Variants in SLC35E4 observed in about 807,000 individuals in gnomAD.
SLC35E4 encodes solute carrier family 35, member E4.
In SLC35E4, 15 loss-of-function variants were observed where a neutral mutation model predicts 19.3. That is an observed-to-expected ratio of 0.78 (90% CI 0.52 to 1.20). The LOEUF is 1.20. SLC35E4 is among the 50% of genes most tolerant of loss of function. The probability of loss-of-function intolerance (pLI) is 0.00; values close to 1 mark genes in which losing one functional copy is unlikely to be tolerated. For synonymous variants in SLC35E4, 219 were observed against 219.9 expected (o/e 1.00, Z 0.04); for missense variants, 406 against 472.3 (o/e 0.86, Z 1.30).
chr22:30,645,185 G>T (rs887754100), intron 1 of SLC35E4, among the ~76,000 whole-genome samples: 2 of 152,142 alleles, frequency 1.3e-5, no homozygotes, highest in Non-Finnish European at 2.9e-5. Flanking sequence ...TGGCAGAGCT[G>T]GGACCCTCTG....
At chr22:30,660,217 G>C (rs2088429677) in intron 2 of SLC35E4, among the ~76,000 whole-genome samples, 1 of 152,202 alleles carries the variant, frequency 6.6e-6, no homozygotes, top group Non-Finnish European at 1.5e-5. Flanking sequence ...GAAAATATAT[G>C]GATGTTGTTT....
intron 1 of SLC35E4, among the ~76,000 whole-genome samples, chr22:30,639,488 C>A (rs550823307): frequency 6.6e-6 from 1 of 152,012 alleles, no homozygotes. Context: ...ATTTATTAGG[C>A]GGGAATTTCC....
rs1294386719 is a variant in SLC35E4, at chr22:30,647,439, C to A, written c.*408C>A. ...AAAAGTGGAGAACTGGCAGTGACCT[C>A]TACTGGGGGCCATGGCAGGGAGGGG... On this transcript the variant is annotated 3_prime_UTR_variant, in exon 2 of 2. Coordinates refer to ENST00000343605, the MANE Select transcript of SLC35E4 (RefSeq NM_001001479.4). The A allele has an allele frequency of 6.1e-6, 1 of 164,178 alleles. No individual in the cohort carries two copies. The highest frequency in any genetic ancestry group is 1.3e-5 in the Non-Finnish European group (1 of 76,718). 10.2% of individuals were successfully genotyped at this position (164,178 alleles called of 1,614,324 possible). A position where few individuals can be genotyped will look rare whatever the true frequency, so the allele number is the denominator to read the frequency against.
At chr22:30,665,564 C>T (rs1474783192), downstream of SLC35E4, 1 of 470,822 alleles carries the variant, frequency 2.1e-6, no homozygotes, top group South Asian at 1.6e-5. Context: ...TTAAAGGTAA[C>T]TGTTTTAAGG....
chr22:30,658,812 G>A (rs1043305017), intron 2 of SLC35E4, among the ~76,000 whole-genome samples: 7 of 152,136 alleles, frequency 4.6e-5, no homozygotes, highest in Non-Finnish European at 7.3e-5. Context: ...GGGGGCATAA[G>A]CTTAGGACTG....
At position 30,636,654 on chromosome 22, in the gene SLC35E4, G is replaced by A. The variant is rs764303955; in HGVS notation, c.204G>A (p.Lys68=). 4 of 1,612,170 alleles carry A rather than the reference G, an allele frequency of 2.5e-6. No homozygotes were observed. The Admixed American group carries it at 5.0e-5, about 20-fold the overall frequency. The part of the protein sequence containing the change: ...LAGASMSSLN[K]WIFTVHGFGR... ...GAGCCAGCATGTCAAGCCTCAACAA[G>A]TGGATCTTCACAGTGCACGGCTTTG... The change falls in exon 1 of 2, where the codon AAG becomes AAA. Residue 68 remains lysine (K), a synonymous_variant. Coordinates refer to ENST00000343605, the MANE Select transcript of SLC35E4 (RefSeq NM_001001479.4).
At position 30,637,022 on chromosome 22, in the gene SLC35E4, T is replaced by G; in HGVS notation, c.572T>G (p.Phe191Cys). The G allele has an allele frequency of 2.5e-6, 4 of 1,593,914 alleles. No homozygotes were observed. Among genetic ancestry groups the G allele is most frequent in the Non-Finnish European group, 3.4e-6 (4 of 1,166,708 alleles). ...CGGACACCCCCTACCGGCTGTGGCTTCCTGCTCGCAGCCACCTGCCTCCGC... is the reference window on the plus strand; with the variant it reads ...CGGACACCCCCTACCGGCTGTGGCTGCCTGCTCGCAGCCACCTGCCTCCGC... ...EFRTPPTGCG[F>C]LLAATCLRGL... Residue 191 changes from phenylalanine (F) to cysteine (C), a missense_variant, in exon 1 of 2, where the codon TTC becomes TGC. Coordinates refer to ENST00000343605, the MANE Select transcript of SLC35E4 (RefSeq NM_001001479.4).
At chr22:30,646,563 C>A (rs1303254887) in intron 1 of SLC35E4, 35 bp from the exon 2 acceptor site, 4 of 1,571,476 alleles carry the variant, frequency 2.5e-6, no homozygotes, top group Middle Eastern at 1.7e-4. Context: ...GGGGTTGTGT[C>A]CTTCTGGGTG....
chr22:30,651,012 G>T (rs1221209304), downstream of SLC35E4, among the ~76,000 whole-genome samples: 1 of 149,162 alleles, frequency 6.7e-6, no homozygotes, highest in Non-Finnish European at 1.5e-5. Flanking sequence ...AACAAGGATT[G>T]TGAGTCCTTG....
At chr22:30,663,453 A>G (rs534843581), downstream of SLC35E4, 2 of 1,610,540 alleles carry the variant, frequency 1.2e-6, no homozygotes, top group African/African-American at 1.3e-5. Flanking sequence ...TGGAATCATC[A>G]AACGGACTTC....
chr22:30,645,621 A>C, intron 1 of SLC35E4, among the ~76,000 whole-genome samples: 2 of 145,226 alleles, frequency 1.4e-5, no homozygotes, highest in South Asian at 2.3e-4. Flanking sequence ...AAAAAAAAGA[A>C]CCTAGGACCT....
Position 30,636,815 on chromosome 22 carries a change from C to A in SLC35E4, c.365C>A (p.Ala122Asp). The A allele has an allele frequency of 1.2e-6, 2 of 1,612,854 alleles. No individual in the cohort carries two copies. Among genetic ancestry groups the A allele is most frequent in the South Asian group, 2.2e-5 (2 of 90,930 alleles). ...AGTCTCACCTTTGGCACGTCCATGG[C>A]CTGCGGCAACGTGGGCCTAAGGGCT... ...LLSLTFGTSM[A>D]CGNVGLRAVP... Residue 122 changes from alanine to aspartate, a missense_variant, in exon 1 of 2, where the codon GCC (alanine) becomes GAC (aspartate). Physicochemically the swap from Ala to Asp is moderately radical, Grantham distance 126 (BLOSUM62 -2). Coordinates refer to ENST00000343605, the MANE Select transcript of SLC35E4 (RefSeq NM_001001479.4).
downstream of SLC35E4, chr22:30,663,515 A>T (rs2088544957): frequency 6.2e-7 from 1 of 1,614,194 alleles, no homozygotes. Flanking sequence ...CCATGTGCAC[A>T]GTGTTCTTGC....
intron 1 of SLC35E4, among the ~76,000 whole-genome samples, chr22:30,639,202 G>A (rs957024175): frequency 1.3e-5 from 2 of 152,058 alleles, no homozygotes; most frequent in African/African-American, 2.4e-5. Context: ...ATCATATGTC[G>A]GCAGGTTCCG....
At position 30,636,978 on chromosome 22, in the gene SLC35E4, C is replaced by T. The variant is rs1343458050; in HGVS notation, c.528C>T (p.Cys176=). 1 of 1,612,086 alleles carries T rather than the reference C, an allele frequency of 6.2e-7. No homozygotes were observed. Among genetic ancestry groups the T allele is most frequent in the Non-Finnish European group, 8.5e-7 (1 of 1,179,226 alleles). The stretch of plus-strand genomic sequence containing the variant: ...GTCCGCTCTGCCTGGGGGCCGCCTG[C>T]AGCCTGGCTGGAGAGTTCCGGACAC... The part of the protein sequence containing the change: ...AMGPLCLGAA[C]SLAGEFRTPP... The change falls in exon 1 of 2, where the codon TGC becomes TGT. Residue 176 remains cysteine (C), a synonymous_variant. Transcript: ENST00000343605.
At chr22:30,643,029 CAA>C (rs67770321) in intron 1 of SLC35E4, among the ~76,000 whole-genome samples, 120 of 81,332 alleles carry the variant, frequency 1.5e-3, no homozygotes, top group African/African-American at 3.6e-3. Flanking sequence ...GACTCCGTCT[CAA>C]AAAAAAAAAA....
intron 1 of SLC35E4, among the ~76,000 whole-genome samples, chr22:30,642,354 G>A (rs1452060494): frequency 6.6e-6 from 1 of 152,142 alleles, no homozygotes; most frequent in Admixed American, 6.5e-5. Context: ...GGCTCCAGGA[G>A]AGGCACCAGG....
At position 30,646,963 on chromosome 22, in the gene SLC35E4, G is replaced by A. The variant is rs964903062; in HGVS notation, c.985G>A (p.Glu329Lys). ...AGGAATGTTCCTTTACCACAACTGC[G>A]AGTTCGTGGCCTCCTGGGCTGCCCG... Reference protein sequence around the residue: ...LSGMFLYHNCEFVASWAARRG... With the variant: ...LSGMFLYHNCKFVASWAARRG... The change falls in exon 2 of 2, where the codon GAG (glutamate) becomes AAG (lysine). Residue 329 changes from glutamate (E) to lysine (K), a missense_variant. By Grantham distance (56) the Glu-to-Lys change is moderately conservative (BLOSUM62 1). Coordinates refer to ENST00000343605, the MANE Select transcript of SLC35E4 (RefSeq NM_001001479.4). 6 of 1,613,846 alleles carry A rather than the reference G, an allele frequency of 3.7e-6. No homozygotes were observed. Among genetic ancestry groups the A allele is most frequent in the South Asian group, 3.3e-5 (3 of 91,080 alleles).
intron 2 of SLC35E4, among the ~76,000 whole-genome samples, chr22:30,653,024 C>T (rs1260526593): frequency 6.6e-6 from 1 of 152,198 alleles, no homozygotes; most frequent in East Asian, 1.9e-4. Flanking sequence ...AGGAATTAGC[C>T]TGGGAGTATT....
Sources: allele counts gnomAD v4.1 joint callset (sites outside exome capture counted in the v4.1 genomes callset), GRCh38; gene constraint gnomAD v4.1.1; transcripts MANE v1.5; gene names NCBI Gene and HGNC (gene_info 2026-07-23, HGNC 2026-07-21).